The following TUBB2B variants were observed in gnomAD, a reference collection of about 807,000 sequenced individuals.
TUBB2B encodes the protein tubulin beta 2B class IIb, also known as tubulin beta-2B chain.
In TUBB2B, 5 loss-of-function variants were observed where a neutral mutation model predicts 35.0. That is an observed-to-expected ratio of 0.14 (90% CI 0.07 to 0.30). The LOEUF is 0.30. Ranked by LOEUF, TUBB2B falls within the 10% of genes least tolerant of loss-of-function variation. The probability of loss-of-function intolerance (pLI) is 1.00; values close to 1 mark genes in which losing one functional copy is unlikely to be tolerated. For synonymous variants in TUBB2B, 166 were observed against 250.5 expected (o/e 0.66, Z 3.18); for missense variants, 63 against 601.8 (o/e 0.10, Z 9.37).
In TUBB2B at chr6:3,227,094, G is replaced by A. The variant is rs1221511424; in HGVS notation, c.57+393C>T. Among the ~76,000 whole-genome samples, 1 of 152,196 alleles carries A rather than the reference G, an allele frequency of 6.6e-6. No individual in the cohort carries two copies. Among genetic ancestry groups the A allele is most frequent in the Non-Finnish European group, 1.5e-5 (1 of 68,018 alleles). ...CACGTCCTGAGACCGCAAGACAATC[G>A]CTCTCCTCCCCTCCCCCGGCAGCTC... On this transcript the variant is annotated intron_variant, in intron 1 of 3. Coordinates refer to ENST00000259818, the MANE Select transcript of TUBB2B (RefSeq NM_178012.5). The surrounding 1 kb of genome is among the most constrained non-coding windows in gnomAD (Gnocchi z 7.8).
At position 3,227,205 on chromosome 6, in the gene TUBB2B, C is replaced by A. The variant is rs558936370; in HGVS notation, c.57+282G>T. ...CCGCGCACAGCCTCGCGGACACACC[C>A]TCGTCTTCTCCAGGCACGCGTGCCT... On this transcript the variant is annotated intron_variant, in intron 1 of 3. Transcript: ENST00000259818. The surrounding 1 kb of genome is among the most constrained non-coding windows in gnomAD (Gnocchi z 7.8). 8.9e-4 allele frequency among the ~76,000 whole-genome samples: 136 copies of A among 152,168 alleles called. 2 individuals are homozygous for A. In the Middle Eastern group the frequency reaches 0.01, roughly 12 times the overall value.
rs1465516164 is a variant in TUBB2B at position 3,226,886 on chromosome 6, G to C, written c.58-217C>G. Among the ~76,000 whole-genome samples the C allele has an allele frequency of 6.6e-6, 1 of 152,208 alleles. No individual in the cohort carries two copies. Among genetic ancestry groups the C allele is most frequent in the Admixed American group, 6.5e-5 (1 of 15,290 alleles). Reference sequence around the variant, plus strand: ...CAGGCAAACAGCTGCCGCTCGCGGGGGGAGGTAGGGGTCGAGGGGGTAAGG... The same window carrying C: ...CAGGCAAACAGCTGCCGCTCGCGGGCGGAGGTAGGGGTCGAGGGGGTAAGG... On this transcript the variant is annotated intron_variant, in intron 1 of 3. Coordinates refer to ENST00000259818, the MANE Select transcript of TUBB2B (RefSeq NM_178012.5). The surrounding 1 kb of genome is among the most constrained non-coding windows in gnomAD (Gnocchi z 5.5).
Position 3,227,132 on chromosome 6 carries a change from A to G in TUBB2B, c.57+355T>C, listed in dbSNP as rs955775700. Among the ~76,000 whole-genome samples the G allele has an allele frequency of 6.6e-6, 1 of 152,144 alleles. No homozygotes were observed. Among genetic ancestry groups the G allele is most frequent in the Non-Finnish European group, 1.5e-5 (1 of 68,000 alleles). ...CCCCCGGCAGCTCGACTCCGGTTCA[A>G]GCGAGTACAATTAATCCTCCTGGTG... On this transcript the variant is annotated intron_variant, in intron 1 of 3. Coordinates refer to ENST00000259818, the MANE Select transcript of TUBB2B (RefSeq NM_178012.5). The surrounding 1 kb of genome is among the most constrained non-coding windows in gnomAD (Gnocchi z 7.8).
At position 3,227,441 on chromosome 6, in the gene TUBB2B, C is replaced by A. The variant is rs1426129124; in HGVS notation, c.57+46G>T. On this transcript the variant is annotated intron_variant, in intron 1 of 3. Coordinates refer to ENST00000259818, the MANE Select transcript of TUBB2B (RefSeq NM_178012.5). The surrounding 1 kb of genome is among the most constrained non-coding windows in gnomAD (Gnocchi z 7.8). Reference sequence around the variant, plus strand: ...CTGGGGACCCCGAGGGGCTCTCGGCCCAGGTTCGCGCCCCCATTGGACCCC... The same window carrying A: ...CTGGGGACCCCGAGGGGCTCTCGGCACAGGTTCGCGCCCCCATTGGACCCC... 7.5e-6 allele frequency: 12 copies of A among 1,600,018 alleles called. No homozygotes were observed. Among genetic ancestry groups the A allele is most frequent in the Non-Finnish European group, 1.0e-5 (12 of 1,178,750 alleles).
intron 3 of TUBB2B, 106 bp from the exon 4 acceptor site, chr6:3,225,917 T>G: frequency 6.5e-7 from 1 of 1,546,190 alleles, no homozygotes; most frequent in Non-Finnish European, 8.8e-7. Flanking sequence ...TAAGACTATT[T>G]CAGATTATCA....
Position 3,227,227 on chromosome 6 carries a change from G to T in TUBB2B, c.57+260C>A, listed in dbSNP as rs1422221722. Among the ~76,000 whole-genome samples, 1 of 152,124 alleles carries T rather than the reference G, an allele frequency of 6.6e-6. No individual in the cohort carries two copies. Among genetic ancestry groups the T allele is most frequent in the Non-Finnish European group, 1.5e-5 (1 of 68,020 alleles). ...ACCCTCGTCTTCTCCAGGCACGCGT[G>T]CCTGCCAAGCAGCCAGCGCGGAGGG... is the stretch of plus-strand genomic sequence containing the variant. On this transcript the variant is annotated intron_variant, in intron 1 of 3. Coordinates refer to ENST00000259818, the MANE Select transcript of TUBB2B (RefSeq NM_178012.5). This position sits in a 1 kb window ranked among gnomAD's most constrained non-coding sequence, Gnocchi z 7.8.
In TUBB2B at chr6:3,225,804, A is replaced by G. The variant is rs758017653; in HGVS notation, c.285T>C (p.Ser95=). Residue 95 remains serine (S), a synonymous_variant, in exon 4 of 4, where the codon AGT becomes AGC. Transcript: ENST00000259818. ...FRPDNFVFGQ[S]GAGNNWAKGH... ...CCTTGGCCCAGTTATTCCCGGCTCC[A>G]CTCTGGCCTGCCAGAGGGAAAGAGA... 8.1e-6 allele frequency: 13 copies of G among 1,613,034 alleles called. No individual in the cohort carries two copies. Among genetic ancestry groups the G allele is most frequent in the East Asian group, 4.5e-5 (2 of 44,848 alleles).
chr6:3,226,723 G>T lies in TUBB2B; in HGVS notation c.58-54C>A. The T allele has an allele frequency of 1.4e-6, 2 of 1,451,244 alleles. No homozygotes were observed. Among genetic ancestry groups the T allele is most frequent in the Non-Finnish European group, 1.9e-6 (2 of 1,031,608 alleles). The allele number at this position is 1,451,244 out of a possible 1,614,324, so 89.9% of individuals were successfully genotyped here. A position where few individuals can be genotyped will look rare whatever the true frequency, so the allele number is the denominator to read the frequency against. On this transcript the variant is annotated intron_variant, in intron 1 of 3. Coordinates refer to ENST00000259818, the MANE Select transcript of TUBB2B (RefSeq NM_178012.5). This position sits in a 1 kb window ranked among gnomAD's most constrained non-coding sequence, Gnocchi z 5.5. ...GAACGATGCCCCCAGAAACGCCAAG[G>T]CTCACAATGAAATGTCCCCGACTCA...
chr6:3,224,431 T>C lies in TUBB2B; in HGVS notation c.*320A>G, dbSNP rs1351856994. On this transcript the variant is annotated 3_prime_UTR_variant, in exon 4 of 4. Transcript: ENST00000259818. Reference sequence around the variant, plus strand: ...TTGTTAAAGGAAGAATTCAATGCAATGTGTTCAGAAAGTTACATTTAAATC... The same window carrying C: ...TTGTTAAAGGAAGAATTCAATGCAACGTGTTCAGAAAGTTACATTTAAATC... The C allele has an allele frequency of 6.4e-6, 3 of 471,700 alleles. No individual in the cohort carries two copies. The highest frequency in any genetic ancestry group is 1.1e-5 in the Non-Finnish European group (3 of 265,386). 29.2% of individuals were successfully genotyped at this position (471,700 alleles called of 1,614,324 possible).
chr6:3,227,554 C>T lies in TUBB2B; in HGVS notation c.-11G>A. Reference sequence around the variant, plus strand: ...CACGATCTCACGCATGGTGCCTCGTCAGCGTCCTCCTGGTCCGGCGGCGTC... The same window carrying T: ...CACGATCTCACGCATGGTGCCTCGTTAGCGTCCTCCTGGTCCGGCGGCGTC... On this transcript the variant is annotated 5_prime_UTR_variant, in exon 1 of 4. Coordinates refer to ENST00000259818, the MANE Select transcript of TUBB2B (RefSeq NM_178012.5). The surrounding 1 kb of genome is among the most constrained non-coding windows in gnomAD (Gnocchi z 7.8). The T allele has an allele frequency of 6.2e-7, 1 of 1,610,768 alleles. No individual in the cohort carries two copies. The highest frequency in any genetic ancestry group is 8.5e-7 in the Non-Finnish European group (1 of 1,179,708).
chr6:3,226,787 AAGGGCGTCGTGACCCGGGCAC>A lies in TUBB2B; in HGVS notation c.58-139_58-119del. 16 of 933,782 alleles carry A rather than the reference AAGGGCGTCGTGACCCGGGCAC, an allele frequency of 1.7e-5. No individual in the cohort carries two copies. In the South Asian group the frequency reaches 2.1e-4, roughly 12 times the overall value. 57.8% of individuals were successfully genotyped at this position (933,782 alleles called of 1,614,324 possible). A position where few individuals can be genotyped will look rare whatever the true frequency, so the allele number is the denominator to read the frequency against. On this transcript the variant is annotated intron_variant, in intron 1 of 3. Transcript: ENST00000259818. This position sits in a 1 kb window ranked among gnomAD's most constrained non-coding sequence, Gnocchi z 5.5. Reference sequence around the variant, plus strand: ...AACATTTCAGGAGCTTGAAGCTTTAAAGGGCGTCGTGACCCGGGCACAGCCGCGGGGCTTGTATTTTGCAGG... The same window carrying A: ...AACATTTCAGGAGCTTGAAGCTTTAAAGCCGCGGGGCTTGTATTTTGCAGG...
Position 3,224,534 on chromosome 6 carries a change from C to A in TUBB2B, c.*217G>T. 1 of 692,394 alleles carries A rather than the reference C, an allele frequency of 1.4e-6. No homozygotes were observed. The highest frequency in any genetic ancestry group is 2.4e-6 in the Non-Finnish European group (1 of 422,166). 42.9% of individuals were successfully genotyped at this position (692,394 alleles called of 1,614,324 possible). A position where few individuals can be genotyped will look rare whatever the true frequency, so the allele number is the denominator to read the frequency against. ...GTTTATGTGATTTTAGCCATTACAA[C>A]AGTAATTCAGAAATATCTCAAATGT... On this transcript the variant is annotated 3_prime_UTR_variant, in exon 4 of 4. Coordinates refer to ENST00000259818, the MANE Select transcript of TUBB2B (RefSeq NM_178012.5).
In TUBB2B at chr6:3,224,886, C is replaced by T. The variant is rs781348234; in HGVS notation, c.1203G>A (p.Glu401=). Residue 401 remains glutamate, a synonymous_variant, in exon 4 of 4, where the codon GAG becomes GAA. Coordinates refer to ENST00000259818, the MANE Select transcript of TUBB2B (RefSeq NM_178012.5). ...RKAFLHWYTG[E]GMDEMEFTEA... ...CGGTGAACTCCATCTCGTCCATGCC[C>T]TCGCCCGTGTACCAGTGCAGGAAGG... is the stretch of plus-strand genomic sequence containing the variant. The T allele has an allele frequency of 6.2e-7, 1 of 1,603,994 alleles. No homozygotes were observed. Among genetic ancestry groups the T allele is most frequent in the East Asian group, 2.2e-5 (1 of 44,622 alleles).
Position 3,226,349 on chromosome 6 carries a change from G to T in TUBB2B, c.167-80C>A. ...GCTTGGCGCCTGCTGCCATCATGCAGATGTTGCCCCAAACAAAGGGAGACC... is the reference window on the plus strand; with the variant it reads ...GCTTGGCGCCTGCTGCCATCATGCATATGTTGCCCCAAACAAAGGGAGACC... On this transcript the variant is annotated intron_variant, in intron 2 of 3. Coordinates refer to ENST00000259818, the MANE Select transcript of TUBB2B (RefSeq NM_178012.5). This position sits in a 1 kb window ranked among gnomAD's most constrained non-coding sequence, Gnocchi z 5.5. 3.0e-6 allele frequency: 4 copies of T among 1,321,778 alleles called. No individual in the cohort carries two copies. The highest frequency in any genetic ancestry group is 4.3e-6 in the Non-Finnish European group (4 of 925,626). The allele number at this position is 1,321,778 out of a possible 1,614,324, so 81.9% of individuals were successfully genotyped here. A position where few individuals can be genotyped will look rare whatever the true frequency, so the allele number is the denominator to read the frequency against.
rs1192171460 is a variant in TUBB2B, at chr6:3,227,300, A to G, written c.57+187T>C. ...TCCAAATGAGTTACAGCAGAAAGAA[A>G]GAGAGGTGCCCCCTCCGTCCGCGAA... On this transcript the variant is annotated intron_variant, in intron 1 of 3. Transcript: ENST00000259818. This position sits in a 1 kb window ranked among gnomAD's most constrained non-coding sequence, Gnocchi z 7.8. Among the ~76,000 whole-genome samples, 1 of 152,124 alleles carries G rather than the reference A, an allele frequency of 6.6e-6. No homozygotes were observed.
Position 3,227,465 on chromosome 6 carries a change from C to A in TUBB2B, c.57+22G>T, listed in dbSNP as rs751859856. The stretch of plus-strand genomic sequence containing the variant: ...CCCAGGTTCGCGCCCCCATTGGACC[C>A]CCTCCGCTGCGGCGCGCCCACCTTG... On this transcript the variant is annotated intron_variant, in intron 1 of 3. Transcript: ENST00000259818. The surrounding 1 kb of genome is among the most constrained non-coding windows in gnomAD (Gnocchi z 7.8). 6.2e-7 allele frequency: 1 copy of A among 1,605,172 alleles called. No homozygotes were observed. Among genetic ancestry groups the A allele is most frequent in the Non-Finnish European group, 8.5e-7 (1 of 1,179,558 alleles).
chr6:3,227,366 G>T lies in TUBB2B; in HGVS notation c.57+121C>A. The T allele has an allele frequency of 1.5e-6, 2 of 1,334,368 alleles. No homozygotes were observed. Among genetic ancestry groups the T allele is most frequent in the Non-Finnish European group, 1.0e-6 (1 of 972,768 alleles). 82.7% of individuals were successfully genotyped at this position (1,334,368 alleles called of 1,614,324 possible). On this transcript the variant is annotated intron_variant, in intron 1 of 3. Transcript: ENST00000259818. This position sits in a 1 kb window ranked among gnomAD's most constrained non-coding sequence, Gnocchi z 7.8. ...CAGGCCACACTCGGCGGCACAAAGC[G>T]GCCAGGAAGGTCTGCATTTGGCGAT...
In TUBB2B at chr6:3,227,346, C is replaced by G; in HGVS notation, c.57+141G>C. ...GCGAAAGTCACCTCCTAGCCCAGGCCACACTCGGCGGCACAAAGCGGCCAG... is the reference window on the plus strand; with the variant it reads ...GCGAAAGTCACCTCCTAGCCCAGGCGACACTCGGCGGCACAAAGCGGCCAG... On this transcript the variant is annotated intron_variant, in intron 1 of 3. Transcript: ENST00000259818. This position sits in a 1 kb window ranked among gnomAD's most constrained non-coding sequence, Gnocchi z 7.8. 8.9e-7 allele frequency: 1 copy of G among 1,127,532 alleles called. No individual in the cohort carries two copies. The highest frequency in any genetic ancestry group is 1.4e-5 in the South Asian group (1 of 69,338). 69.8% of individuals were successfully genotyped at this position (1,127,532 alleles called of 1,614,324 possible). A position where few individuals can be genotyped will look rare whatever the true frequency, so the allele number is the denominator to read the frequency against.
Position 3,224,745 on chromosome 6 carries a change from G to C in TUBB2B, c.*6C>G, listed in dbSNP as rs1757268258. 3.7e-6 allele frequency: 6 copies of C among 1,613,852 alleles called. No homozygotes were observed. The highest frequency in any genetic ancestry group is 5.1e-6 in the Non-Finnish European group (6 of 1,179,904). ...CCGCTTTCCCTAACCCGTCTCGCGGGGGCATCTACGCCTCGTCCTCGCCCT... is the reference window on the plus strand; with the variant it reads ...CCGCTTTCCCTAACCCGTCTCGCGGCGGCATCTACGCCTCGTCCTCGCCCT... On this transcript the variant is annotated 3_prime_UTR_variant, in exon 4 of 4. Coordinates refer to ENST00000259818, the MANE Select transcript of TUBB2B (RefSeq NM_178012.5).
Sources: allele counts gnomAD v4.1 joint callset (sites outside exome capture counted in the v4.1 genomes callset), GRCh38; gene constraint gnomAD v4.1.1; non-coding constraint Gnocchi (gnomAD v3.1); transcripts MANE v1.5; gene names NCBI Gene and HGNC (gene_info 2026-07-23, HGNC 2026-07-21).